Variants in SI observed in about 807,000 individuals in gnomAD.
The protein encoded by SI is sucrase-isomaltase.
SI carries 235 observed loss-of-function variants against 253.3 expected under a neutral mutation model. The observed-to-expected ratio is 0.93, with a 90% CI of 0.83 to 1.03. SI has a LOEUF of 1.03. Among genes scored for constraint, SI ranks in the 50% least tolerant of loss-of-function variants. The probability of loss-of-function intolerance (pLI) is 0.00; values close to 1 mark genes in which losing one functional copy is unlikely to be tolerated. For missense variants in SI, 2,442 were observed against 2,211.1 expected, an observed-to-expected ratio of 1.10 and a Z score of -2.09; for synonymous variants, 819 against 712.0, an observed-to-expected ratio of 1.15 and a Z score of -2.39.
At chr3:165,084,287 T>G in the SI span, among the ~76,000 whole-genome samples, 1 of 152,048 alleles carries the variant, frequency 6.6e-6, no homozygotes. Flanking sequence ...ATTGTGGGAA[T>G]TAAATTTCTA....
At position 165,021,764 on chromosome 3, in the gene SI, G is replaced by C. The variant is rs181192597; in HGVS notation, c.3100-381C>G. On this transcript the variant is annotated intron_variant, in intron 26 of 47. Coordinates refer to ENST00000264382, the MANE Select transcript of SI (RefSeq NM_001041.4). ...ATATTATTATACAATAAACCCTAAT[G>C]CTAATTTATGTTTATTTGTGTTTTT... 1.1e-3 allele frequency among the ~76,000 whole-genome samples: 167 copies of C among 151,474 alleles called. 1 individual carries two copies. The highest frequency in any genetic ancestry group is 3.9e-3 in the African/African-American group (160 of 41,414).
chr3:165,085,703 C>T, the SI span, among the ~76,000 whole-genome samples: 1 of 152,028 alleles, frequency 6.6e-6, no homozygotes, highest in Non-Finnish European at 1.5e-5. Flanking sequence ...CTACTGGATG[C>T]AAAAGTCTCA....
intron 32 of SI, 114 bp downstream of exon 32, chr3:165,015,838 G>A (rs551161481): frequency 3.3e-6 from 3 of 900,946 alleles, no homozygotes; most frequent in Non-Finnish European, 5.5e-6. Context: ...AGATTTGGGA[G>A]TGTTACTCAA....
At chr3:165,077,158 T>A (rs537429333) in intron 1 of SI, among the ~76,000 whole-genome samples, 1 of 151,554 alleles carries the variant, frequency 6.6e-6, no homozygotes. Flanking sequence ...ATGCCTTCAT[T>A]TTATCCCCAG....
rs752516988 is a variant in SI, at chr3:165,017,783, A to G, written c.3611T>C (p.Val1204Ala). 9 of 1,612,610 alleles carry G rather than the reference A, an allele frequency of 5.6e-6. No individual in the cohort carries two copies. Among genetic ancestry groups the G allele is most frequent in the Non-Finnish European group, 7.6e-6 (9 of 1,179,076 alleles). The change falls in exon 30 of 48, where the codon GTT becomes GCT. Residue 1204 changes from valine (V) to alanine (A), a missense_variant. By Grantham distance (64) the Val-to-Ala change is moderately conservative. Coordinates refer to ENST00000264382, the MANE Select transcript of SI (RefSeq NM_001041.4). ...FYMFLGPTPE[V>A]ATKQYHEVIG... is the part of the protein sequence containing the mutation. Reference sequence around the variant, plus strand: ...TACTTCATGGTATTGCTTTGTTGCAACTTCTGGAGTTGGGCCCAAAAACAT... The same window carrying G: ...TACTTCATGGTATTGCTTTGTTGCAGCTTCTGGAGTTGGGCCCAAAAACAT...
chr3:165,057,425 G>A (rs1352851512), intron 12 of SI, among the ~76,000 whole-genome samples: 1 of 151,838 alleles, frequency 6.6e-6, no homozygotes, highest in East Asian at 1.9e-4. Flanking sequence ...TATTGAAAGG[G>A]AAAATGACAG....
At chr3:165,056,722 G>T (rs1049718468) in intron 12 of SI, among the ~76,000 whole-genome samples, 1 of 152,132 alleles carries the variant, frequency 6.6e-6, no homozygotes, top group Non-Finnish European at 1.5e-5. Flanking sequence ...TTAGAACAGC[G>T]CTAGCCATAG....
chr3:165,051,383 G>T (rs115605409), intron 13 of SI, among the ~76,000 whole-genome samples: 1 of 152,028 alleles, frequency 6.6e-6, no homozygotes, highest in Non-Finnish European at 1.5e-5. Context: ...AGAAATGAGA[G>T]AAATTAATAT....
intron 35 of SI, among the ~76,000 whole-genome samples, chr3:165,008,935 T>G (rs905070322): frequency 6.6e-6 from 1 of 151,928 alleles, no homozygotes; most frequent in Non-Finnish European, 1.5e-5. Flanking sequence ...TTTAAGAAAT[T>G]TTTATCTCTC....
Position 165,038,138 on chromosome 3 carries a change from C to T in SI, c.2302-114G>A, listed in dbSNP as rs536368356. 1.4e-4 allele frequency: 127 copies of T among 926,764 alleles called. No homozygotes were observed. The Middle Eastern group carries it at 2.7e-3, about 20-fold the overall frequency. 57.4% of individuals were successfully genotyped at this position (926,764 alleles called of 1,614,324 possible). A position where few individuals can be genotyped will look rare whatever the true frequency, so the allele number is the denominator to read the frequency against. On this transcript the variant is annotated intron_variant, in intron 20 of 47. Coordinates refer to ENST00000264382, the MANE Select transcript of SI (RefSeq NM_001041.4). ...GCAATTCATGTCATCCAAATGAATA[C>T]GAATATATTGTTTTCTAACTTTAGG...
intron 37 of SI, 126 bp downstream of exon 37, chr3:165,006,690 T>A (rs529693547): frequency 2.6e-6 from 2 of 769,102 alleles, no homozygotes; most frequent in South Asian, 1.7e-5. Flanking sequence ...AAGGAAGAAG[T>A]TACAGAGAAC....
chr3:165,040,829 A>G, intron 18 of SI, 111 bp downstream of exon 18: 1 of 836,562 alleles, frequency 1.2e-6, no homozygotes, highest in Non-Finnish European at 2.0e-6. Flanking sequence ...CAATGTAAAA[A>G]CAAGCAGCAG....
chr3:165,023,371 C>T (rs1331601951), intron 26 of SI, among the ~76,000 whole-genome samples, 199 bp downstream of exon 26: 1 of 151,370 alleles, frequency 6.6e-6, no homozygotes, highest in Non-Finnish European at 1.5e-5. Context: ...GTATTAATCA[C>T]AAAGTTAGCA....
chr3:165,068,610 T>C (rs1459313885), intron 5 of SI, 112 bp downstream of exon 5: 2 of 781,492 alleles, frequency 2.6e-6, no homozygotes, highest in African/African-American at 3.4e-5. Flanking sequence ...CCTGACCTTG[T>C]GATCCGCCCA....
intron 16 of SI, among the ~76,000 whole-genome samples, chr3:165,044,100 A>G (rs569591366): frequency 6.6e-6 from 1 of 151,990 alleles, no homozygotes; most frequent in Non-Finnish European, 1.5e-5. Flanking sequence ...ATATAAAATT[A>G]CCTTCAAACT....
intron 9 of SI, among the ~76,000 whole-genome samples, chr3:165,061,642 T>G (rs1481249593): frequency 6.6e-6 from 1 of 152,024 alleles, no homozygotes; most frequent in Non-Finnish European, 1.5e-5. Flanking sequence ...AATCTTAAAA[T>G]CTTAAACCAA....
At chr3:164,992,056 ATG>A (rs759451389) in intron 43 of SI, 119 bp downstream of exon 43, 16 of 841,390 alleles carry the variant, frequency 1.9e-5, no homozygotes, top group Non-Finnish European at 3.3e-5. Flanking sequence ...TACCGGAAAT[ATG>A]TTACTTTCCA....
intron 44 of SI, among the ~76,000 whole-genome samples, chr3:164,990,768 G>A (rs568034632): frequency 6.6e-6 from 1 of 152,018 alleles, no homozygotes; most frequent in South Asian, 2.1e-4. Flanking sequence ...GATGGGGGAG[G>A]GATAGCATTA....
At chr3:165,090,016 T>A in the SI span, among the ~76,000 whole-genome samples, 9 of 152,028 alleles carry the variant, frequency 5.9e-5, no homozygotes, top group African/African-American at 2.2e-4. Context: ...ATCTTGGGAA[T>A]TGCAATAGAC....
Sources: gnomAD v4.1 joint callset for allele counts (sites outside exome capture counted in the v4.1 genomes callset) on GRCh38, gnomAD v4.1.1 for gene constraint, MANE v1.5 for transcripts, NCBI Gene and HGNC (gene_info 2026-07-23, HGNC 2026-07-21) for gene names.